TOX: variants seen among roughly 807,000 people sequenced by gnomAD.
TOX encodes thymocyte selection associated high mobility group box.
TOX carries 11 observed loss-of-function variants against 53.7 expected under a neutral mutation model. That is an observed-to-expected ratio of 0.20 (90% confidence interval 0.13 to 0.34). The LOEUF (loss-of-function observed/expected upper bound fraction) is 0.34, where lower values mean the gene tolerates loss of function less well. TOX is among the 10% of genes least tolerant of loss of function. The pLI is 1.00. For synonymous variants in TOX, 225 were observed against 245.3 expected (o/e 0.92, Z 0.77); for missense variants, 570 against 664.6 (o/e 0.86, Z 1.56).
At chr8:59,019,023 A>G (rs1814070206) in intron 1 of TOX, among the ~76,000 whole-genome samples, 1 of 152,036 alleles carries the variant, frequency 6.6e-6, no homozygotes, top group Non-Finnish European at 1.5e-5. Context: ...TTGTTATCCC[A>G]TTTTAGTTTC....
At chr8:58,857,524 G>T (rs2129168786) in intron 3 of TOX, among the ~76,000 whole-genome samples, 1 of 152,250 alleles carries the variant, frequency 6.6e-6, no homozygotes, top group East Asian at 1.9e-4. Flanking sequence ...ATGAAGAGGA[G>T]ATTTCAATTT....
At chr8:59,017,313 ATTTCTT>A (rs1350288631) in intron 1 of TOX, among the ~76,000 whole-genome samples, 1 of 152,210 alleles carries the variant, frequency 6.6e-6, no homozygotes, top group African/African-American at 2.4e-5. Flanking sequence ...TTATGCTTTG[ATTTCTT>A]TTTCTTTATT....
intron 2 of TOX, among the ~76,000 whole-genome samples, chr8:58,953,047 A>G (rs1351098912): frequency 6.6e-6 from 1 of 152,026 alleles, no homozygotes; most frequent in East Asian, 1.9e-4. Flanking sequence ...TGGCCTATTT[A>G]CTTTTTTTTT....
intron 2 of TOX, among the ~76,000 whole-genome samples, chr8:58,950,418 A>T (rs1173954726): frequency 6.6e-6 from 1 of 152,200 alleles, no homozygotes; most frequent in Non-Finnish European, 1.5e-5. Context: ...TGCCTCCTCA[A>T]TCAAGGGGTC....
chr8:59,090,830 C>T (rs1804596106), intron 1 of TOX, among the ~76,000 whole-genome samples: 1 of 152,128 alleles, frequency 6.6e-6, no homozygotes, highest in Admixed American at 6.6e-5. Flanking sequence ...ACTTGAGGAG[C>T]TTCCTCAAGG....
intron 4 of TOX, among the ~76,000 whole-genome samples, chr8:58,850,257 T>G (rs958099395): frequency 9.9e-5 from 15 of 152,126 alleles, no homozygotes; most frequent in Admixed American, 9.2e-4. Flanking sequence ...GGAAGAAGTT[T>G]CCATTCATAG....
chr8:58,967,982 G>A (rs1280615231), intron 1 of TOX, among the ~76,000 whole-genome samples: 1 of 152,138 alleles, frequency 6.6e-6, no homozygotes, highest in East Asian at 1.9e-4. Context: ...ATATTAAAGA[G>A]TCATCGATTC....
intron 1 of TOX, among the ~76,000 whole-genome samples, chr8:59,107,900 T>C (rs927307285): frequency 3.3e-5 from 5 of 152,196 alleles, no homozygotes; most frequent in African/African-American, 1.2e-4. Flanking sequence ...TGCAAGTATG[T>C]GCTAAAGAAT....
rs1803640797 is a variant in TOX, at chr8:59,043,957, G to T, written c.102+74929C>A. 2.0e-5 allele frequency among the ~76,000 whole-genome samples: 3 copies of T among 152,096 alleles called. No individual in the cohort carries two copies. The South Asian group carries it at 6.2e-4, about 32-fold the overall frequency. ...CTTTGAATGGCACTGAACCCCAAGA[G>T]GTCCCCTAAACCATAAGTCTTGCAA... On this transcript the variant is annotated intron_variant, in intron 1 of 8. Coordinates refer to ENST00000361421, the MANE Select transcript of TOX (RefSeq NM_014729.3).
intron 2 of TOX, among the ~76,000 whole-genome samples, chr8:58,945,229 AT>A (rs1346633497): frequency 6.6e-6 from 1 of 152,208 alleles, no homozygotes; most frequent in Non-Finnish European, 1.5e-5. Flanking sequence ...CACTGTCTAA[AT>A]TTGTACAAAA....
At chr8:58,860,392 G>C (rs1042933438) in intron 3 of TOX, among the ~76,000 whole-genome samples, 1 of 152,140 alleles carries the variant, frequency 6.6e-6, no homozygotes, top group Non-Finnish European at 1.5e-5. Flanking sequence ...AGACAGACAA[G>C]ACAATAAATA....
chr8:58,832,543 G>T (rs188482554), intron 5 of TOX, among the ~76,000 whole-genome samples: 2 of 152,280 alleles, frequency 1.3e-5, no homozygotes, highest in African/African-American at 4.8e-5. Context: ...ATTATGTAGT[G>T]GGTGTCTGAG....
chr8:58,896,198 G>A (rs2129172328), intron 3 of TOX, among the ~76,000 whole-genome samples: 1 of 152,212 alleles, frequency 6.6e-6, no homozygotes, highest in African/African-American at 2.4e-5. Flanking sequence ...GCCATGGCCA[G>A]CCCACATGGA....
At chr8:58,826,688 T>C in intron 6 of TOX, 134 bp downstream of exon 6, 1 of 700,398 alleles carries the variant, frequency 1.4e-6, no homozygotes, top group African/African-American at 1.8e-5. Flanking sequence ...TAGCTTTGTT[T>C]GTAATTTACT....
At chr8:59,112,427 T>C (rs189527794) in intron 1 of TOX, among the ~76,000 whole-genome samples, 1 of 152,208 alleles carries the variant, frequency 6.6e-6, no homozygotes, top group Non-Finnish European at 1.5e-5. Flanking sequence ...CATGCAAGGT[T>C]TAAAACAAAA....
intron 3 of TOX, among the ~76,000 whole-genome samples, chr8:58,863,730 A>G (rs1469630483): frequency 2.0e-5 from 3 of 148,638 alleles, no homozygotes; most frequent in Non-Finnish European, 3.0e-5. Context: ...AAATTCAATT[A>G]ATTTTTTTTT....
At chr8:59,025,419 G>A (rs960215684) in intron 1 of TOX, among the ~76,000 whole-genome samples, 3 of 151,968 alleles carry the variant, frequency 2.0e-5, no homozygotes, top group Non-Finnish European at 2.9e-5. Context: ...CACCCTCCAC[G>A]GAGGCTCACC....
At chr8:58,929,808 A>G (rs988433275) in intron 3 of TOX, among the ~76,000 whole-genome samples, 1 of 152,156 alleles carries the variant, frequency 6.6e-6, no homozygotes, top group African/African-American at 2.4e-5. Flanking sequence ...AATAGACATC[A>G]ATTTTTCATA....
At chr8:58,891,986 G>A (rs1001053116) in intron 3 of TOX, among the ~76,000 whole-genome samples, 3 of 152,010 alleles carry the variant, frequency 2.0e-5, no homozygotes, top group African/African-American at 7.3e-5. Context: ...TAAAGCATTC[G>A]TATTCATAGC....
Sources: allele counts gnomAD v4.1 joint callset (sites outside exome capture counted in the v4.1 genomes callset), GRCh38; gene constraint gnomAD v4.1.1; transcripts MANE v1.5; gene names NCBI Gene and HGNC (gene_info 2026-07-23, HGNC 2026-07-21).